ATP8B4: variants seen among roughly 807,000 people sequenced by gnomAD.
The protein encoded by ATP8B4 is probable phospholipid-transporting ATPase IM.
Under a neutral mutation model 145.6 loss-of-function variants are expected in ATP8B4, and 133 were observed. The observed-to-expected ratio is 0.91, with a 90% CI of 0.79 to 1.05. The LOEUF (loss-of-function observed/expected upper bound fraction) is 1.05, where lower values mean the gene tolerates loss of function less well. ATP8B4 is among the 50% of genes least tolerant of loss of function. ATP8B4 has a pLI of 0.00. For synonymous variants in ATP8B4, 507 were observed against 492.9 expected (o/e 1.03, Z -0.38); for missense variants, 1,458 against 1,425.2 (o/e 1.02, Z -0.37).
At position 49,888,429 on chromosome 15, in the gene ATP8B4, G is replaced by GA. The variant is rs67247705; in HGVS notation, c.2697+8862dup. On this transcript the variant is annotated intron_variant, in intron 23 of 27. Transcript: ENST00000284509. ...GCTTCCATATCACAGTAGAATTGAA[G>GA]AAAAAAAAAATACACAGCCCTGTAT... is the stretch of plus-strand genomic sequence containing the variant. Among the ~76,000 whole-genome samples the GA allele has an allele frequency of 4.4e-4, 66 of 148,956 alleles. 1 individual carries two copies. The East Asian group carries it at 7.1e-3, about 16-fold the overall frequency.
chr15:50,029,930 C>T (rs2050307938), intron 6 of ATP8B4, among the ~76,000 whole-genome samples: 1 of 152,092 alleles, frequency 6.6e-6, no homozygotes, highest in Non-Finnish European at 1.5e-5. Context: ...TGAAATATAT[C>T]AGGAAGTGTA....
chr15:49,989,381 T>A (rs568530804), intron 9 of ATP8B4, among the ~76,000 whole-genome samples: 2 of 152,068 alleles, frequency 1.3e-5, no homozygotes, highest in South Asian at 4.2e-4. Context: ...TTCCAGATTC[T>A]TGACCCAAGA....
At chr15:49,882,912 G>A (rs1226354804) in intron 23 of ATP8B4, among the ~76,000 whole-genome samples, 1 of 152,106 alleles carries the variant, frequency 6.6e-6, no homozygotes, top group Non-Finnish European at 1.5e-5. Flanking sequence ...TAATATATTT[G>A]TTAAACTTTA....
intron 1 of ATP8B4, among the ~76,000 whole-genome samples, chr15:50,116,866 G>A (rs1025048415): frequency 2.0e-5 from 3 of 151,920 alleles, no homozygotes; most frequent in Admixed American, 6.6e-5. Flanking sequence ...AAAACATAAT[G>A]ATCAATAATA....
chr15:50,156,266 TGACA>T (rs1249593742), intron 1 of ATP8B4, among the ~76,000 whole-genome samples: 1 of 151,424 alleles, frequency 6.6e-6, no homozygotes, highest in Non-Finnish European at 1.5e-5. Flanking sequence ...GCAATTTTTA[TGACA>T]GACAGAGATA....
In ATP8B4 at chr15:50,112,526, T is replaced by TGTTCC. The variant is rs538285393; in HGVS notation, c.-42-5523_-42-5519dup. 1.3e-4 allele frequency among the ~76,000 whole-genome samples: 20 copies of TGTTCC among 152,172 alleles called. No individual in the cohort carries two copies. The South Asian group carries it at 4.1e-3, about 32-fold the overall frequency. ...AGATCTCCTTCTATGCTCCTTTCTCTGTTCCGTTCGGCTTGCCTCCTCTCC... is the reference window on the plus strand; with the variant it reads ...AGATCTCCTTCTATGCTCCTTTCTCTGTTCCGTTCCGTTCGGCTTGCCTCCTCTCC... On this transcript the variant is annotated intron_variant, in intron 1 of 27. Transcript: ENST00000284509.
At chr15:49,975,985 A>C (rs184411838) in intron 12 of ATP8B4, among the ~76,000 whole-genome samples, 3 of 152,260 alleles carry the variant, frequency 2.0e-5, no homozygotes, top group African/African-American at 7.2e-5. Context: ...TAAAGTGAGA[A>C]AGTTGGGCTA....
At chr15:49,965,941 G>T (rs1458469186) in intron 13 of ATP8B4, among the ~76,000 whole-genome samples, 2 of 152,148 alleles carry the variant, frequency 1.3e-5, no homozygotes, top group Admixed American at 6.5e-5. Flanking sequence ...ATTGGGACTG[G>T]TTAGACAGTG....
At chr15:50,127,984 C>G (rs1258047298) in intron 1 of ATP8B4, among the ~76,000 whole-genome samples, 1 of 152,178 alleles carries the variant, frequency 6.6e-6, no homozygotes, top group South Asian at 2.1e-4. Flanking sequence ...AGCAGATGAG[C>G]AGATGATGGA....
chr15:49,993,287 G>GA (rs1381983145), intron 9 of ATP8B4, among the ~76,000 whole-genome samples: 1 of 151,934 alleles, frequency 6.6e-6, no homozygotes, highest in Non-Finnish European at 1.5e-5. Context: ...AAGACGATGA[G>GA]ATGAGAACAG....
At chr15:50,032,658 C>T (rs779732398) in intron 6 of ATP8B4, among the ~76,000 whole-genome samples, 9 of 152,014 alleles carry the variant, frequency 5.9e-5, no homozygotes, top group Non-Finnish European at 1.3e-4. Flanking sequence ...AGAAATGGTA[C>T]GTGAATTGTG....
intron 3 of ATP8B4, among the ~76,000 whole-genome samples, chr15:50,069,657 GGTTT>G (rs1182215767): frequency 6.6e-6 from 1 of 152,018 alleles, no homozygotes. Flanking sequence ...AAGTGATTAG[GGTTT>G]GTTTTGTTGT....
intron 1 of ATP8B4, among the ~76,000 whole-genome samples, chr15:50,113,517 T>C (rs898366670): frequency 6.8e-6 from 1 of 148,040 alleles, no homozygotes; most frequent in Non-Finnish European, 1.5e-5. Context: ...TATGTGTGTA[T>C]GTGTGTACGT....
At chr15:49,871,821 T>C (rs1343880395) in intron 25 of ATP8B4, among the ~76,000 whole-genome samples, 2 of 152,096 alleles carry the variant, frequency 1.3e-5, no homozygotes, top group Non-Finnish European at 2.9e-5. Context: ...CTCATCCTCC[T>C]CTCCAGAAAG....
In ATP8B4 at chr15:50,038,771, C is replaced by T. The variant is rs762197166; in HGVS notation, c.359G>A (p.Ser120Asn). ...NNRQSEVLIN[S>N]KLQNEKWMNV... ...ACCCACAGAATGTATTTCTTACTTG[C>T]TGTTGATGAGCACTTCAGACTGCCG... Residue 120 changes from serine (S) to asparagine (N), a missense_variant, in exon 6 of 28, where the codon AGC becomes AAC. Coordinates refer to ENST00000284509, the MANE Select transcript of ATP8B4 (RefSeq NM_024837.4). 3.7e-6 allele frequency: 6 copies of T among 1,611,284 alleles called. No individual in the cohort carries two copies. In the South Asian group the frequency reaches 6.6e-5, roughly 18 times the overall value.
At chr15:49,862,781 GGATCACCTAATGTCACCAT>G (rs1446600087) in intron 26 of ATP8B4, among the ~76,000 whole-genome samples, 1 of 152,090 alleles carries the variant, frequency 6.6e-6, no homozygotes, top group Non-Finnish European at 1.5e-5. Context: ...GGTGAGATTT[GGATCACCTAATGTCACCAT>G]GATGATAAGA....
intron 14 of ATP8B4, among the ~76,000 whole-genome samples, chr15:49,951,691 T>C (rs1256949845): frequency 1.3e-5 from 2 of 152,174 alleles, no homozygotes; most frequent in East Asian, 1.9e-4. Context: ...AGCTCATTTA[T>C]ATTTAAGGTT....
chr15:49,913,345 C>T (rs2039429235), intron 20 of ATP8B4, among the ~76,000 whole-genome samples: 1 of 152,076 alleles, frequency 6.6e-6, no homozygotes, highest in Non-Finnish European at 1.5e-5. Context: ...TAAAAACTCT[C>T]AACAAACTAG....
At chr15:49,865,540 C>A (rs73396928) in intron 26 of ATP8B4, among the ~76,000 whole-genome samples, 1 of 152,122 alleles carries the variant, frequency 6.6e-6, no homozygotes, top group Non-Finnish European at 1.5e-5. Context: ...GGCAGTCATG[C>A]GGAACTTAGC....
Sources: allele counts gnomAD v4.1 joint callset (sites outside exome capture counted in the v4.1 genomes callset), GRCh38; gene constraint gnomAD v4.1.1; transcripts MANE v1.5; gene names NCBI Gene and HGNC (gene_info 2026-07-23, HGNC 2026-07-21).